The following AFMID variants were observed in gnomAD, a reference collection of about 807,000 sequenced individuals.
AFMID encodes the protein kynurenine formamidase.
Under a neutral mutation model 47.5 loss-of-function variants are expected in AFMID, and 39 were observed. The ratio of observed to expected loss-of-function variants is 0.82; its 90% CI spans 0.64 to 1.07. The LOEUF (loss-of-function observed/expected upper bound fraction) is 1.07. AFMID is among the 50% of genes least tolerant of loss of function. The pLI, the probability that AFMID is intolerant of heterozygous loss-of-function variation, is 0.00. For synonymous variants in AFMID, 130 were observed against 153.2 expected (o/e 0.85, Z 1.12); for missense variants, 375 against 387.5 (o/e 0.97, Z 0.27).
In AFMID at chr17:78,202,562, G is replaced by T; in HGVS notation, c.218G>T (p.Gly73Val). The T allele has an allele frequency of 6.2e-7, 1 of 1,614,156 alleles. No homozygotes were observed. The highest frequency in any genetic ancestry group is 8.5e-7 in the Non-Finnish European group (1 of 1,180,028). Residue 73 changes from glycine to valine, a missense_variant, in exon 3 of 11, where the codon GGG (glycine) becomes GTG (valine). Physicochemically the swap from Gly to Val is moderately radical, Grantham distance 109 (BLOSUM62 -3). Coordinates refer to ENST00000409257, the MANE Select transcript of AFMID (RefSeq NM_001010982.5). ...CATGTCCCCTATGGAGACGGCGAAG[G>T]GGAGAAAGTGGACATTTACTTCCCC... ...LLHVPYGDGEGEKVDIYFPDE... is the reference protein window; with the variant it reads ...LLHVPYGDGEVEKVDIYFPDE...
At chr17:78,194,013 C>T (rs11655592) in intron 2 of AFMID, among the ~76,000 whole-genome samples, 2 of 150,558 alleles carry the variant, frequency 1.3e-5, no homozygotes, top group Non-Finnish European at 2.9e-5. Flanking sequence ...AGCAGGGTGC[C>T]GTAGTGTGCA....
chr17:78,205,583 C>G lies in AFMID; in HGVS notation c.645-20C>G. ...GCCTGGCTCCTCTCTGTCCTGACCCCTGTCCACTCCCCACCCCAGGGAGGA... is the reference window on the plus strand; with the variant it reads ...GCCTGGCTCCTCTCTGTCCTGACCCGTGTCCACTCCCCACCCCAGGGAGGA... On this transcript the variant is annotated intron_variant, in intron 8 of 10. Coordinates refer to ENST00000409257, the MANE Select transcript of AFMID (RefSeq NM_001010982.5). The G allele has an allele frequency of 6.2e-7, 1 of 1,614,060 alleles. No individual in the cohort carries two copies. The highest frequency in any genetic ancestry group is 8.5e-7 in the Non-Finnish European group (1 of 1,179,958).
rs150344015 is a variant in AFMID at position 78,204,731 on chromosome 17, C to T, written c.384C>T (p.Ile128=). ...CCGTGGTAATAGTGGCTTACGGCATCGCCCCCAAAGGTAATAGGAGTGGTT... is the reference window on the plus strand; with the variant it reads ...CCGTGGTAATAGTGGCTTACGGCATTGCCCCCAAAGGTAATAGGAGTGGTT... ...GVAVVIVAYG[I]APKGTLDHMV... The change falls in exon 5 of 11, where the codon ATC becomes ATT. Residue 128 remains isoleucine (I), a synonymous_variant. Coordinates refer to ENST00000409257, the MANE Select transcript of AFMID (RefSeq NM_001010982.5). 94 of 1,614,060 alleles carry T rather than the reference C, an allele frequency of 5.8e-5. No individual in the cohort carries two copies. Among genetic ancestry groups the T allele is most frequent in the Non-Finnish European group, 7.3e-5 (86 of 1,180,052 alleles).
intron 2 of AFMID, 38 bp downstream of exon 2, chr17:78,191,098 C>G: frequency 6.4e-7 from 1 of 1,563,288 alleles, no homozygotes; most frequent in Non-Finnish European, 8.8e-7. Context: ...ATTGGGTGTC[C>G]TTAAGCATGT....
At position 78,205,604 on chromosome 17, in the gene AFMID, G is replaced by C. The variant is rs776708484; in HGVS notation, c.646G>C (p.Glu216Gln). 6.2e-7 allele frequency: 1 copy of C among 1,613,844 alleles called. No homozygotes were observed. The highest frequency in any genetic ancestry group is 2.2e-5 in the East Asian group (1 of 44,854). ...SQNVALQLTL[E>Q]DAQRNSPQLK... is the part of the protein sequence containing the mutation. The stretch of plus-strand genomic sequence containing the variant: ...ACCCCTGTCCACTCCCCACCCCAGG[G>C]AGGACGCTCAGAGGAATAGCCCCCA... Residue 216 changes from glutamate to glutamine, a missense_variant and splice_region_variant, in exon 9 of 11, where the codon GAG (glutamate) becomes CAG (glutamine). Physicochemically the swap from Glu to Gln is conservative, Grantham distance 29 (BLOSUM62 2). Transcript: ENST00000409257.
chr17:78,187,387 G>C lies in AFMID; in HGVS notation c.17G>C (p.Gly6Ala), dbSNP rs760541616. The C allele has an allele frequency of 5.0e-6, 8 of 1,613,988 alleles. No individual in the cohort carries two copies. The East Asian group carries it at 1.6e-4, about 32-fold the overall frequency. MMDVS[G>A]VGFPSKVPWK... ...GTAGACGCCATGATGGATGTGTCTG[G>C]TGTGGGTTTCCCAAGCAAGGTTCCT... is the stretch of plus-strand genomic sequence containing the variant. The change falls in exon 1 of 11, where the codon GGT becomes GCT. Residue 6 changes from glycine (G) to alanine (A), a missense_variant. Gly to Ala is a moderately conservative substitution (Grantham distance 60, BLOSUM62 0). Transcript: ENST00000409257.
At chr17:78,204,309 T>C (rs903356546) in intron 4 of AFMID, among the ~76,000 whole-genome samples, 1 of 151,800 alleles carries the variant, frequency 6.6e-6, no homozygotes, top group African/African-American at 2.4e-5. Flanking sequence ...CTGGGCATAG[T>C]GGTGCACACC....
chr17:78,203,036 G>T, intron 4 of AFMID: 1 of 380,616 alleles, frequency 2.6e-6, no homozygotes, highest in South Asian at 5.1e-5. Context: ...GTGTTCCTGG[G>T]TCTCAAATCT....
chr17:78,202,785 A>C, intron 4 of AFMID, 34 bp downstream of exon 4: 1 of 1,551,052 alleles, frequency 6.4e-7, no homozygotes, highest in Non-Finnish European at 8.7e-7. Flanking sequence ...GGACTGCAAG[A>C]GAGATTCCAC....
Position 78,207,062 on chromosome 17 carries a change from G to T in AFMID, c.*125G>T, listed in dbSNP as rs1567858000. On this transcript the variant is annotated 3_prime_UTR_variant, in exon 11 of 11. Coordinates refer to ENST00000409257, the MANE Select transcript of AFMID (RefSeq NM_001010982.5). ...CACCCAGGAGAGCCTTGCTGTGTCT[G>T]TCTGCCCGGCAAGAGTCCATTCTCA... The T allele has an allele frequency of 4.9e-5, 51 of 1,039,420 alleles. No homozygotes were observed. Among genetic ancestry groups the T allele is most frequent in the Non-Finnish European group, 5.4e-5 (36 of 668,478 alleles). 64.4% of individuals were successfully genotyped at this position (1,039,420 alleles called of 1,614,324 possible). A position where few individuals can be genotyped will look rare whatever the true frequency, so the allele number is the denominator to read the frequency against.
chr17:78,190,328 C>T (rs1177917665), intron 1 of AFMID, among the ~76,000 whole-genome samples: 1 of 152,148 alleles, frequency 6.6e-6, no homozygotes, highest in Admixed American at 6.6e-5. Flanking sequence ...CTCCTCACCT[C>T]TGTGCCTTTG....
rs762766486 is a variant in AFMID at position 78,205,624 on chromosome 17, C to G, written c.666C>G (p.Ser222Arg). The change falls in exon 9 of 11, where the codon AGC becomes AGG. Residue 222 changes from serine to arginine, a missense_variant. By Grantham distance (110) the Ser-to-Arg change is moderately radical. Coordinates refer to ENST00000409257, the MANE Select transcript of AFMID (RefSeq NM_001010982.5). ...QLTLEDAQRN[S>R]PQLKVAQAQP... Reference sequence around the variant, plus strand: ...CCAGGGAGGACGCTCAGAGGAATAGCCCCCAGCTGAAGGTGGCCCAGGCAC... The same window carrying G: ...CCAGGGAGGACGCTCAGAGGAATAGGCCCCAGCTGAAGGTGGCCCAGGCAC... The G allele has an allele frequency of 3.5e-5, 56 of 1,613,702 alleles. No homozygotes were observed. The highest frequency in any genetic ancestry group is 4.5e-5 in the Non-Finnish European group (53 of 1,179,832).
chr17:78,199,582 C>A (rs1371830321), intron 2 of AFMID, among the ~76,000 whole-genome samples: 2 of 152,056 alleles, frequency 1.3e-5, no homozygotes, highest in Admixed American at 6.6e-5. Flanking sequence ...ACCATATTGG[C>A]CAGGGTGGTC....
chr17:78,202,575 C>G lies in AFMID; in HGVS notation c.231C>G (p.Asp77Glu), dbSNP rs2076273223. The change falls in exon 3 of 11, where the codon GAC (aspartate) becomes GAG (glutamate). Residue 77 changes from aspartate to glutamate, a missense_variant. Coordinates refer to ENST00000409257, the MANE Select transcript of AFMID (RefSeq NM_001010982.5). The stretch of plus-strand genomic sequence containing the variant: ...GAGACGGCGAAGGGGAGAAAGTGGA[C>G]ATTTACTTCCCCGACGAGTCGTCTG... ...PYGDGEGEKVDIYFPDESSEA... is the reference protein window; with the variant it reads ...PYGDGEGEKVEIYFPDESSEA... 2.5e-6 allele frequency: 4 copies of G among 1,613,680 alleles called. No individual in the cohort carries two copies. Among genetic ancestry groups the G allele is most frequent in the African/African-American group, 1.3e-5 (1 of 74,892 alleles).
chr17:78,200,162 T>G (rs1172500816), intron 2 of AFMID, among the ~76,000 whole-genome samples: 1 of 152,000 alleles, frequency 6.6e-6, no homozygotes, highest in Non-Finnish European at 1.5e-5. Context: ...TTTGGTTTGG[T>G]TTGGTTTGTT....
chr17:78,202,776 G>T, intron 4 of AFMID, 25 bp downstream of exon 4: 1 of 1,552,134 alleles, frequency 6.4e-7, no homozygotes. Flanking sequence ...GTGGATGGTG[G>T]ACTGCAAGAG....
intron 1 of AFMID, among the ~76,000 whole-genome samples, chr17:78,189,105 G>C (rs540624004): frequency 1.3e-5 from 2 of 152,120 alleles, no homozygotes; most frequent in South Asian, 4.1e-4. Context: ...AAAACAGTAA[G>C]TAAGTGAGGG....
chr17:78,193,487 C>T (rs74256112), intron 2 of AFMID, among the ~76,000 whole-genome samples: 11,756 of 148,164 alleles, frequency 0.079, 836 homozygotes, highest in African/African-American at 0.19. Flanking sequence ...ATGTAAAAAG[C>T]ACGCACTATT....
intron 2 of AFMID, among the ~76,000 whole-genome samples, chr17:78,198,863 A>C (rs1157021518): frequency 6.6e-6 from 1 of 152,088 alleles, no homozygotes; most frequent in African/African-American, 2.4e-5. Flanking sequence ...TTTTCAGTGA[A>C]ATGCTCACTC....
Sources: gnomAD v4.1 joint callset for allele counts (sites outside exome capture counted in the v4.1 genomes callset) on GRCh38, gnomAD v4.1.1 for gene constraint, MANE v1.5 for transcripts, NCBI Gene and HGNC (gene_info 2026-07-23, HGNC 2026-07-21) for gene names.